Variants in CTNNBL1 observed in about 807,000 individuals in gnomAD.
CTNNBL1 encodes the protein catenin beta like 1.
CTNNBL1 carries 31 observed loss-of-function variants against 72.7 expected under a neutral mutation model. The ratio of observed to expected loss-of-function variants is 0.43; its 90% CI spans 0.32 to 0.58. CTNNBL1 has a LOEUF of 0.58. Ranked by LOEUF, CTNNBL1 falls within the 20% of genes least tolerant of loss-of-function variation. The pLI is 0.08. For synonymous variants in CTNNBL1, 240 were observed against 267.3 expected, an observed-to-expected ratio of 0.90 and a Z score of 1.00; for missense variants, 534 against 725.1, an observed-to-expected ratio of 0.74 and a Z score of 3.03.
intron 8 of CTNNBL1, 93 bp from the exon 9 acceptor site, chr20:37,777,561 T>G: frequency 7.1e-7 from 1 of 1,403,884 alleles, no homozygotes; most frequent in Non-Finnish European, 1.0e-6. Context: ...TCAAGCTGTA[T>G]TGATTTTGTT....
chr20:37,732,550 G>A (rs1296138526), intron 1 of CTNNBL1, among the ~76,000 whole-genome samples: 2 of 152,074 alleles, frequency 1.3e-5, no homozygotes, highest in Admixed American at 6.5e-5. Flanking sequence ...TGACTTTCAT[G>A]GTATATTTAT....
At chr20:37,829,663 C>T (rs1393742029) in intron 11 of CTNNBL1, among the ~76,000 whole-genome samples, 2 of 151,990 alleles carry the variant, frequency 1.3e-5, no homozygotes, top group Admixed American at 6.6e-5. Context: ...TTGGTCTGTC[C>T]GCTTGGCATA....
intron 1 of CTNNBL1, among the ~76,000 whole-genome samples, chr20:37,729,477 G>GTT (rs34901589): frequency 5.5e-4 from 82 of 148,544 alleles, no homozygotes; most frequent in Middle Eastern, 3.5e-3. Context: ...CATAGCTAGT[G>GTT]TTTTTTTTTT....
intron 10 of CTNNBL1, among the ~76,000 whole-genome samples, chr20:37,800,444 T>C (rs2073814488): frequency 6.6e-6 from 1 of 152,226 alleles, no homozygotes; most frequent in Non-Finnish European, 1.5e-5. Context: ...GGAAGGTTGC[T>C]AGTGGCTTCC....
intron 11 of CTNNBL1, among the ~76,000 whole-genome samples, chr20:37,819,576 A>G (rs924374919): frequency 6.6e-6 from 1 of 152,194 alleles, no homozygotes; most frequent in Non-Finnish European, 1.5e-5. Context: ...GTATTCTGTC[A>G]TGTTTTTATA....
At chr20:37,781,072 G>C (rs1334404501) in intron 10 of CTNNBL1, among the ~76,000 whole-genome samples, 6 of 152,118 alleles carry the variant, frequency 3.9e-5, no homozygotes, top group Admixed American at 2.6e-4. Context: ...TTAAAAAAAT[G>C]CAGAGAGGAG....
chr20:37,806,834 C>G (rs1310582003), intron 11 of CTNNBL1, among the ~76,000 whole-genome samples: 1 of 152,130 alleles, frequency 6.6e-6, no homozygotes, highest in Admixed American at 6.5e-5. Context: ...GATAATTTGC[C>G]TGATATTGTT....
chr20:37,852,005 CAG>C (rs1266757474), intron 13 of CTNNBL1, among the ~76,000 whole-genome samples: 2 of 152,202 alleles, frequency 1.3e-5, no homozygotes, highest in Non-Finnish European at 2.9e-5. Context: ...ATACCCAACA[CAG>C]GGCATGTACA....
At chr20:37,709,338 A>G (rs1049042277) in intron 1 of CTNNBL1, among the ~76,000 whole-genome samples, 1 of 152,188 alleles carries the variant, frequency 6.6e-6, no homozygotes, top group Non-Finnish European at 1.5e-5. Context: ...TTGAGGGTTG[A>G]TGACATTTCT....
chr20:37,804,595 A>G (rs2071936340), intron 11 of CTNNBL1, among the ~76,000 whole-genome samples: 1 of 152,212 alleles, frequency 6.6e-6, no homozygotes, highest in African/African-American at 2.4e-5. Flanking sequence ...ATTCTCAGGA[A>G]CAAGCCCTGG....
At chr20:37,834,448 A>G (rs1019204365) in intron 11 of CTNNBL1, among the ~76,000 whole-genome samples, 5 of 152,190 alleles carry the variant, frequency 3.3e-5, no homozygotes, top group Admixed American at 6.5e-5. Context: ...GAGGGTTGTT[A>G]TTCATGTCTT....
At chr20:37,785,182 T>C (rs2073661642) in intron 10 of CTNNBL1, among the ~76,000 whole-genome samples, 1 of 152,242 alleles carries the variant, frequency 6.6e-6, no homozygotes, top group South Asian at 2.1e-4. Flanking sequence ...TTGCTGCTTT[T>C]AGGATCCTTT....
rs77530808 is a variant in CTNNBL1, at chr20:37,852,557, A to G, written c.1393-7342A>G. Among the ~76,000 whole-genome samples, 326 of 152,300 alleles carry G rather than the reference A, an allele frequency of 2.1e-3. 5 individuals carry two copies. The highest frequency in any genetic ancestry group is 0.014 in the Admixed American group (221 of 15,298). On this transcript the variant is annotated intron_variant, in intron 13 of 15. Coordinates refer to ENST00000361383, the MANE Select transcript of CTNNBL1 (RefSeq NM_030877.5). ...CAGCCAACATCCTGAATCCATCCACATACCCATACGCAGGTAGAAATCCGT... is the reference window on the plus strand; with the variant it reads ...CAGCCAACATCCTGAATCCATCCACGTACCCATACGCAGGTAGAAATCCGT...
At chr20:37,771,113 C>G (rs2073518968) in intron 7 of CTNNBL1, among the ~76,000 whole-genome samples, 1 of 152,162 alleles carries the variant, frequency 6.6e-6, no homozygotes, top group Non-Finnish European at 1.5e-5. Flanking sequence ...ATCATACTCC[C>G]TGCCCTTCCA....
intron 13 of CTNNBL1, among the ~76,000 whole-genome samples, chr20:37,849,120 C>T (rs1158856252): frequency 6.6e-6 from 1 of 152,210 alleles, no homozygotes; most frequent in African/African-American, 2.4e-5. Context: ...ACTTTTCTCT[C>T]TCTTTACTAC....
chr20:37,733,298 T>C (rs1432446557), intron 2 of CTNNBL1, among the ~76,000 whole-genome samples: 3 of 152,054 alleles, frequency 2.0e-5, no homozygotes, highest in South Asian at 2.1e-4. Context: ...TTATGTACTG[T>C]AGGGGAGGGT....
At chr20:37,736,428 T>G (rs1225613064) in intron 2 of CTNNBL1, among the ~76,000 whole-genome samples, 1 of 152,218 alleles carries the variant, frequency 6.6e-6, no homozygotes, top group African/African-American at 2.4e-5. Flanking sequence ...TTATCTTACA[T>G]GTATAGCAAA....
At chr20:37,777,771 G>C in intron 9 of CTNNBL1, 59 bp downstream of exon 9, 1 of 1,537,418 alleles carries the variant, frequency 6.5e-7, no homozygotes, top group Non-Finnish European at 9.0e-7. Context: ...TTGAATGGGA[G>C]GTGGAGCTGG....
intron 15 of CTNNBL1, among the ~76,000 whole-genome samples, chr20:37,863,547 C>T (rs1374198834): frequency 6.6e-6 from 1 of 152,148 alleles, no homozygotes; most frequent in Non-Finnish European, 1.5e-5. Context: ...GCAGAGGGAG[C>T]AGAGGCCTGG....
Sources: allele counts gnomAD v4.1 joint callset (sites outside exome capture counted in the v4.1 genomes callset), GRCh38; gene constraint gnomAD v4.1.1; transcripts MANE v1.5; gene names NCBI Gene and HGNC (gene_info 2026-07-23, HGNC 2026-07-21).